USP6: variants seen among roughly 807,000 people sequenced by gnomAD.
USP6 encodes the protein ubiquitin carboxyl-terminal hydrolase 6.
USP6 carries 128 observed loss-of-function variants against 175.7 expected under a neutral mutation model. The observed-to-expected ratio is 0.73, with a 90% CI of 0.63 to 0.84. The LOEUF (loss-of-function observed/expected upper bound fraction) is 0.84, where lower values mean the gene tolerates loss of function less well. Among genes scored for constraint, USP6 ranks in the 40% least tolerant of loss-of-function variants. USP6 has a pLI of 0.00. For missense variants in USP6, 1,498 were observed against 1,760.3 expected, an observed-to-expected ratio of 0.85 and a Z score of 2.67; for synonymous variants, 562 against 630.6, an observed-to-expected ratio of 0.89 and a Z score of 1.63.
intron 4 of USP6, among the ~76,000 whole-genome samples, chr17:5,122,537 G>A (rs1486946728): frequency 2.0e-5 from 3 of 152,216 alleles, no homozygotes; most frequent in African/African-American, 4.8e-5. Context: ...CTTGGCCCGC[G>A]TGCCACCCGG....
chr17:5,128,024 C>T (rs942293233), intron 7 of USP6, among the ~76,000 whole-genome samples: 8 of 152,194 alleles, frequency 5.3e-5, no homozygotes, highest in African/African-American at 1.9e-4. Context: ...CTAATGAGTA[C>T]AGGGGAGCAG....
chr17:5,166,359 A>G (rs920089977), intron 33 of USP6, among the ~76,000 whole-genome samples: 1 of 152,216 alleles, frequency 6.6e-6, no homozygotes, highest in African/African-American at 2.4e-5. Context: ...TTGCTAGTTT[A>G]TAACAGCATT....
intron 30 of USP6, among the ~76,000 whole-genome samples, chr17:5,153,667 T>TTTTG: frequency 6.8e-6 from 1 of 147,380 alleles, no homozygotes; most frequent in East Asian, 2.0e-4. Context: ...TTTTTCTTTT[T>TTTTG]TTTTTGAGAC....
Position 5,155,369 on chromosome 17 carries a change from G to A in USP6, c.2644-53G>A, listed in dbSNP as rs572431585. On this transcript the variant is annotated intron_variant, in intron 30 of 37. Transcript: ENST00000574788. ...ATTGGCAGAGTTAGAAGAACTAAAG[G>A]GAGGAATCAGAGGCCTGTCTTCTCA... The A allele has an allele frequency of 2.7e-3, 4,349 of 1,592,700 alleles. 11 individuals are homozygous for A. The highest frequency in any genetic ancestry group is 3.4e-3 in the Non-Finnish European group (3,923 of 1,165,938).
chr17:5,151,589 C>A (rs141975048), intron 30 of USP6, among the ~76,000 whole-genome samples: 43 of 152,158 alleles, frequency 2.8e-4, no homozygotes, highest in African/African-American at 1.0e-3. Context: ...ATCCAGATAT[C>A]AAGATTTATT....
At chr17:5,166,688 C>T (rs34318356) in intron 33 of USP6, among the ~76,000 whole-genome samples, 1 of 151,940 alleles carries the variant, frequency 6.6e-6, no homozygotes, top group Non-Finnish European at 1.5e-5. Flanking sequence ...CACCCACCTT[C>T]CCATACATTA....
intron 15 of USP6, chr17:5,134,965 C>T (rs1448674529): frequency 4.9e-6 from 2 of 410,462 alleles, no homozygotes; most frequent in Non-Finnish European, 9.3e-6. Flanking sequence ...ACTGTGCACC[C>T]AAAGACTGAA....
intron 31 of USP6, among the ~76,000 whole-genome samples, chr17:5,161,241 T>C (rs952312135): frequency 1.3e-5 from 2 of 152,250 alleles, no homozygotes; most frequent in African/African-American, 4.8e-5. Flanking sequence ...GTATTTGATT[T>C]CATGATTAGC....
intron 30 of USP6, among the ~76,000 whole-genome samples, chr17:5,152,198 C>T (rs1181645665): frequency 6.7e-6 from 1 of 150,208 alleles, no homozygotes; most frequent in East Asian, 1.9e-4. Context: ...GCTGAGATTA[C>T]ACCATTGCAT....
rs538970924 is a variant in USP6, at chr17:5,160,661, T to C, written c.2829-867T>C. 3.9e-5 allele frequency among the ~76,000 whole-genome samples: 6 copies of C among 152,360 alleles called. No homozygotes were observed. In the South Asian group the frequency reaches 1.2e-3, roughly 32 times the overall value. ...ATTTGGCTTGGTTCCAAGTCTTTGC[T>C]ATTGTGAATAGTGCTGCAATAAACA... On this transcript the variant is annotated intron_variant, in intron 31 of 37. Coordinates refer to ENST00000574788, the MANE Select transcript of USP6 (RefSeq NM_001304284.2).
chr17:5,142,192 C>T, intron 24 of USP6, 51 bp downstream of exon 24: 1 of 1,577,798 alleles, frequency 6.3e-7, no homozygotes, highest in Middle Eastern at 1.7e-4. Flanking sequence ...TGATATAAAC[C>T]CACTATCACC....
In USP6 at chr17:5,122,126, G is replaced by T. The variant is rs543754940; in HGVS notation, c.-1299+376G>T. Among the ~76,000 whole-genome samples, 7 of 152,078 alleles carry T rather than the reference G, an allele frequency of 4.6e-5. No individual in the cohort carries two copies. The South Asian group carries it at 1.5e-3, about 32-fold the overall frequency. ...GGGAGTGTGGCCAGAGAAGTCCTGC[G>T]GGGTGGAGGGTGGGTCGGTGGGGTG... On this transcript the variant is annotated intron_variant, in intron 4 of 37. Coordinates refer to ENST00000574788, the MANE Select transcript of USP6 (RefSeq NM_001304284.2).
intron 30 of USP6, among the ~76,000 whole-genome samples, chr17:5,152,199 A>C (rs1598063113): frequency 6.6e-6 from 1 of 150,814 alleles, no homozygotes; most frequent in African/African-American, 2.4e-5. Context: ...CTGAGATTAC[A>C]CCATTGCATT....
chr17:5,172,396 T>G (rs2074244570), intron 37 of USP6, among the ~76,000 whole-genome samples: 1 of 151,646 alleles, frequency 6.6e-6, no homozygotes. Context: ...CCAGATGTGG[T>G]GGCACATGCC....
At chr17:5,152,129 C>T (rs1248283018) in intron 30 of USP6, among the ~76,000 whole-genome samples, 1 of 151,768 alleles carries the variant, frequency 6.6e-6, no homozygotes, top group Non-Finnish European at 1.5e-5. Flanking sequence ...GTAGTCCCAG[C>T]TACTTGGGAG....
At position 5,162,924 on chromosome 17, in the gene USP6, G is replaced by A. The variant is rs2144128263; in HGVS notation, c.2956G>A (p.Ala986Thr). 1.2e-6 allele frequency: 2 copies of A among 1,607,756 alleles called. No individual in the cohort carries two copies. Among genetic ancestry groups the A allele is most frequent in the South Asian group, 1.1e-5 (1 of 88,978 alleles). ...GCKIDCGEDR[A>T]FIGNAYIAVD... ...TAAAATTGATTGTGGGGAAGACAGA[G>A]CTTTCATTGGAAATGCCTATATTGC... The change falls in exon 33 of 38, where the codon GCT becomes ACT. Residue 986 changes from alanine (A) to threonine (T), a missense_variant. Physicochemically the swap from Ala to Thr is moderately conservative, Grantham distance 58. Around this residue, in one of 2 missense-constraint regions of USP6, gnomAD observed 1,217 missense variants for 1,500.8 expected, o/e 0.81. Coordinates refer to ENST00000574788, the MANE Select transcript of USP6 (RefSeq NM_001304284.2).
At chr17:5,144,410 C>A (rs953979402) in intron 25 of USP6, among the ~76,000 whole-genome samples, 2 of 151,924 alleles carry the variant, frequency 1.3e-5, no homozygotes, top group African/African-American at 4.8e-5. Context: ...TTTAATATTT[C>A]TGTCTTAAAT....
At chr17:5,167,832 G>A in intron 33 of USP6, 100 bp from the exon 34 acceptor site, 2 of 1,390,226 alleles carry the variant, frequency 1.4e-6, no homozygotes, top group Non-Finnish European at 2.0e-6. Context: ...CTTATAAAGA[G>A]TAAAATAAGG....
intron 16 of USP6, among the ~76,000 whole-genome samples, chr17:5,135,501 G>T: frequency 6.6e-6 from 1 of 152,166 alleles, no homozygotes; most frequent in East Asian, 1.9e-4. Flanking sequence ...TGGACTCCTG[G>T]TGTCACCTGG....
Sources: gnomAD v4.1 joint callset for allele counts (sites outside exome capture counted in the v4.1 genomes callset) on GRCh38, gnomAD v4.1.1 for gene constraint, gnomAD v4.1.1 regional missense constraint, MANE v1.5 for transcripts, NCBI Gene and HGNC (gene_info 2026-07-23, HGNC 2026-07-21) for gene names.